The following SEZ6L variants were observed in gnomAD, a reference collection of about 807,000 sequenced individuals.
The protein encoded by SEZ6L is seizure related 6 homolog like, also known as seizure 6-like protein.
Under a neutral mutation model 106.2 loss-of-function variants are expected in SEZ6L, and 37 were observed. That is an observed-to-expected ratio of 0.35 (90% CI 0.27 to 0.46). SEZ6L has a LOEUF of 0.46. SEZ6L is among the 20% of genes least tolerant of loss of function. The probability of loss-of-function intolerance (pLI) is 1.00; values close to 1 mark genes in which losing one functional copy is unlikely to be tolerated. For synonymous variants in SEZ6L, 541 were observed against 570.4 expected (o/e 0.95, Z 0.73); for missense variants, 1,172 against 1,332.8 (o/e 0.88, Z 1.88).
At chr22:26,361,156 A>AT (rs976778996) in intron 12 of SEZ6L, among the ~76,000 whole-genome samples, 1 of 152,134 alleles carries the variant, frequency 6.6e-6, no homozygotes, top group Non-Finnish European at 1.5e-5. Context: ...AGGCTAAATT[A>AT]TACTGTGCAA....
rs755125172 is a variant in SEZ6L, at chr22:26,229,742, GT to G, written c.94+59983del. ...GGGATGGGACCTGGAAGCAGGTATT[GT>G]TTTGAAAGTTCCCCAGATGATTCAA... On this transcript the variant is annotated intron_variant, in intron 1 of 16. Transcript: ENST00000248933. 9.2e-5 allele frequency among the ~76,000 whole-genome samples: 14 copies of G among 152,100 alleles called. 1 individual carries two copies. The highest frequency in any genetic ancestry group is 4.1e-4 in the South Asian group (2 of 4,830).
intron 1 of SEZ6L, among the ~76,000 whole-genome samples, chr22:26,253,665 G>C (rs2079694341): frequency 6.6e-6 from 1 of 152,154 alleles, no homozygotes; most frequent in Non-Finnish European, 1.5e-5. Context: ...GAACTATTTA[G>C]TTAAATTTAG....
At chr22:26,336,998 A>G (rs574637081) in intron 9 of SEZ6L, among the ~76,000 whole-genome samples, 4 of 152,176 alleles carry the variant, frequency 2.6e-5, no homozygotes, top group African/African-American at 9.7e-5. Flanking sequence ...AAAGTGGAAT[A>G]TAACAACATA....
intron 3 of SEZ6L, 128 bp downstream of exon 3, chr22:26,294,553 A>G (rs2081235376): frequency 2.2e-6 from 2 of 915,456 alleles, no homozygotes; most frequent in Admixed American, 4.8e-5. Flanking sequence ...GGCCAACTTT[A>G]GCTGGGTTTT....
rs55949237 is a variant in SEZ6L at position 26,266,574 on chromosome 22, AAAATAAATAAATAAATAAATAAAT to A, written c.95-25810_95-25787del. 2.1e-3 allele frequency among the ~76,000 whole-genome samples: 302 copies of A among 144,698 alleles called. 1 individual carries two copies. The highest frequency in any genetic ancestry group is 7.5e-3 in the African/African-American group (293 of 39,188). The allele number at this position is 144,698 out of a possible 152,430, so 94.9% of individuals were successfully genotyped here. A position where few individuals can be genotyped will look rare whatever the true frequency, so the allele number is the denominator to read the frequency against. The stretch of plus-strand genomic sequence containing the variant: ...GGCAAAAGAGCGAGACTCCGTCTCA[AAAATAAATAAATAAATAAATAAAT>A]AAATAAATAAATAAATAAATAGCAA... On this transcript the variant is annotated intron_variant, in intron 1 of 16. Transcript: ENST00000248933.
intron 1 of SEZ6L, among the ~76,000 whole-genome samples, chr22:26,237,412 G>A (rs1224145856): frequency 6.6e-6 from 1 of 152,226 alleles, no homozygotes; most frequent in Non-Finnish European, 1.5e-5. Flanking sequence ...AGATGTCAGA[G>A]TGGAAGCCAG....
chr22:26,222,921 G>A (rs573267284), intron 1 of SEZ6L, among the ~76,000 whole-genome samples: 16 of 152,034 alleles, frequency 1.1e-4, no homozygotes, highest in Non-Finnish European at 1.5e-4. Context: ...GTTTGCTACC[G>A]GCATCTACTG....
chr22:26,174,917 A>C (rs910957868), intron 1 of SEZ6L, among the ~76,000 whole-genome samples: 9 of 152,248 alleles, frequency 5.9e-5, no homozygotes, highest in Non-Finnish European at 1.2e-4. Context: ...GAATTCTCAC[A>C]ATAGCCCATG....
chr22:26,374,003 G>A (rs1443110127), intron 14 of SEZ6L, among the ~76,000 whole-genome samples: 1 of 151,972 alleles, frequency 6.6e-6, no homozygotes, highest in Non-Finnish European at 1.5e-5. Context: ...ACTTATTAAT[G>A]AGGAGCAGAT....
At position 26,299,242 on chromosome 22, in the gene SEZ6L, G is replaced by A. The variant is rs185672460; in HGVS notation, c.1348+73G>A. ...GGGAAAGACCAACCTGTAGGACACCGAGAGTGACCTCAGGGAATGGCTTTC... is the reference window on the plus strand; with the variant it reads ...GGGAAAGACCAACCTGTAGGACACCAAGAGTGACCTCAGGGAATGGCTTTC... On this transcript the variant is annotated intron_variant, in intron 5 of 16. Transcript: ENST00000248933. The A allele has an allele frequency of 5.8e-6, 7 of 1,204,722 alleles. No homozygotes were observed. In the Admixed American group the frequency reaches 1.2e-4, roughly 21 times the overall value. 74.6% of individuals were successfully genotyped at this position (1,204,722 alleles called of 1,614,324 possible). A position where few individuals can be genotyped will look rare whatever the true frequency, so the allele number is the denominator to read the frequency against.
At chr22:26,276,013 C>T (rs1488332696) in intron 1 of SEZ6L, among the ~76,000 whole-genome samples, 1 of 152,182 alleles carries the variant, frequency 6.6e-6, no homozygotes, top group Non-Finnish European at 1.5e-5. Flanking sequence ...GTCAACCAGC[C>T]CGGCTTCAAA....
chr22:26,265,745 C>T (rs1284584528), intron 1 of SEZ6L, among the ~76,000 whole-genome samples: 1 of 152,170 alleles, frequency 6.6e-6, no homozygotes, highest in East Asian at 1.9e-4. Flanking sequence ...AGGTCATTCT[C>T]TCTTCTTCTT....
chr22:26,359,742 G>A (rs1309432420), intron 12 of SEZ6L, among the ~76,000 whole-genome samples: 1 of 152,154 alleles, frequency 6.6e-6, no homozygotes, highest in Non-Finnish European at 1.5e-5. Flanking sequence ...GGTCAAGGCT[G>A]AAGTGAGCTG....
chr22:26,252,163 G>T (rs1300804174), intron 1 of SEZ6L, among the ~76,000 whole-genome samples: 1 of 152,118 alleles, frequency 6.6e-6, no homozygotes. Flanking sequence ...AGGTCCCCAG[G>T]TGTCTCATGT....
intron 8 of SEZ6L, among the ~76,000 whole-genome samples, chr22:26,313,448 T>G (rs1900648363): frequency 6.6e-6 from 1 of 152,054 alleles, no homozygotes; most frequent in South Asian, 2.1e-4. Context: ...CAGAGGCTGT[T>G]GAGGAGTCAT....
chr22:26,175,764 T>C (rs1039582311), intron 1 of SEZ6L, among the ~76,000 whole-genome samples: 2 of 152,192 alleles, frequency 1.3e-5, no homozygotes, highest in Non-Finnish European at 2.9e-5. Flanking sequence ...AAAATTGGTT[T>C]CTGTAAGCCC....
Position 26,308,282 on chromosome 22 carries a change from A to G in SEZ6L, c.1514+2138A>G, listed in dbSNP as rs575659112. Among the ~76,000 whole-genome samples the G allele has an allele frequency of 2.0e-5, 3 of 152,108 alleles. No individual in the cohort carries two copies. The South Asian group carries it at 6.2e-4, about 32-fold the overall frequency. ...AGAGGGAGGGGTATTCCAAGCATGG[A>G]GAATTGGAGGATGAGCACAAAGATG... is the stretch of plus-strand genomic sequence containing the variant. On this transcript the variant is annotated intron_variant, in intron 6 of 16. Transcript: ENST00000248933.
At chr22:26,193,429 C>T (rs1403515484) in intron 1 of SEZ6L, among the ~76,000 whole-genome samples, 1 of 152,166 alleles carries the variant, frequency 6.6e-6, no homozygotes, top group Non-Finnish European at 1.5e-5. Flanking sequence ...CCTAGACAGA[C>T]CAATGGCTGA....
At chr22:26,257,559 A>G (rs1478233588) in intron 1 of SEZ6L, among the ~76,000 whole-genome samples, 2 of 152,324 alleles carry the variant, frequency 1.3e-5, no homozygotes, top group African/African-American at 4.8e-5. Flanking sequence ...GGGAGCTCCC[A>G]ATAATCAAAG....
Sources: allele counts gnomAD v4.1 joint callset (sites outside exome capture counted in the v4.1 genomes callset), GRCh38; gene constraint gnomAD v4.1.1; transcripts MANE v1.5; gene names NCBI Gene and HGNC (gene_info 2026-07-23, HGNC 2026-07-21).